ADD3: variants seen among roughly 807,000 people sequenced by gnomAD.
ADD3 encodes adducin 3.
In ADD3, 25 loss-of-function variants were observed where a neutral mutation model predicts 80.2. The observed-to-expected ratio is 0.31, with a 90% CI of 0.23 to 0.44. The LOEUF (loss-of-function observed/expected upper bound fraction) is 0.44, where lower values mean the gene tolerates loss of function less well. ADD3 is among the 20% of genes least tolerant of loss of function. The pLI, the probability that ADD3 is intolerant of heterozygous loss-of-function variation, is 1.00. For synonymous variants in ADD3, 284 were observed against 289.6 expected, an observed-to-expected ratio of 0.98 and a Z score of 0.20; for missense variants, 829 against 847.5, an observed-to-expected ratio of 0.98 and a Z score of 0.27.
intron 1 of ADD3, among the ~76,000 whole-genome samples, chr10:110,070,490 C>G (rs1432009120): frequency 6.6e-6 from 1 of 152,140 alleles, no homozygotes; most frequent in Non-Finnish European, 1.5e-5. Context: ...GTGATCAGTA[C>G]TGCTGTAGGT....
Position 110,133,923 on chromosome 10 carries a change from T to G in ADD3, c.*305T>G. 5.3e-6 allele frequency: 1 copy of G among 190,336 alleles called. No individual in the cohort carries two copies. The allele number at this position is 190,336 out of a possible 1,614,324, so 11.8% of individuals were successfully genotyped here. A position where few individuals can be genotyped will look rare whatever the true frequency, so the allele number is the denominator to read the frequency against. On this transcript the variant is annotated 3_prime_UTR_variant, in exon 15 of 15. Coordinates refer to ENST00000356080, the MANE Select transcript of ADD3 (RefSeq NM_016824.5). ...ATTACTTCAGGCCTTCTCCATAATA[T>G]CTGTTAGAAAGAAATTGCCAGTGAG...
At chr10:110,028,435 G>A (rs1394873292) in intron 1 of ADD3, among the ~76,000 whole-genome samples, 3 of 152,002 alleles carry the variant, frequency 2.0e-5, no homozygotes, top group Non-Finnish European at 4.4e-5. Flanking sequence ...GTGGTGGCGG[G>A]CGCCTGTAAT....
chr10:110,102,678 G>A (rs916234763), intron 2 of ADD3, among the ~76,000 whole-genome samples: 4 of 152,138 alleles, frequency 2.6e-5, no homozygotes, highest in Non-Finnish European at 5.9e-5. Flanking sequence ...AAAGAATGAA[G>A]TGAAGTTTCA....
At chr10:110,040,413 A>G (rs1247197316) in intron 1 of ADD3, among the ~76,000 whole-genome samples, 1 of 152,164 alleles carries the variant, frequency 6.6e-6, no homozygotes, top group African/African-American at 2.4e-5. Context: ...ACACAGCACA[A>G]ATTTAGTTTG....
intron 1 of ADD3, among the ~76,000 whole-genome samples, chr10:110,099,025 T>A (rs923222856): frequency 6.6e-6 from 1 of 150,880 alleles, no homozygotes; most frequent in African/African-American, 2.4e-5. Flanking sequence ...GCTCAAGGAA[T>A]CCTCCCACCT....
At chr10:110,108,617 T>A (rs1289753848) in intron 2 of ADD3, among the ~76,000 whole-genome samples, 1 of 152,154 alleles carries the variant, frequency 6.6e-6, no homozygotes, top group Non-Finnish European at 1.5e-5. Context: ...ATAAATTTAC[T>A]GATAAATTTA....
At chr10:110,063,654 T>G (rs1320282364) in intron 1 of ADD3, among the ~76,000 whole-genome samples, 4 of 147,468 alleles carry the variant, frequency 2.7e-5, no homozygotes, top group Non-Finnish European at 4.5e-5. Context: ...TCAGATAAAC[T>G]TTTAAATGCA....
rs775002695 is a variant in ADD3 at position 110,126,440 on chromosome 10, C to T, written c.1545C>T (p.Asp515=). 6.2e-7 allele frequency: 1 copy of T among 1,613,618 alleles called. No individual in the cohort carries two copies. ...AGATTCGGGAACAAAATCGATATGA[C>T]TTGAAAACAGCAGGACCACAATCTC... ...RNKIREQNRY[D]LKTAGPQSQL... Residue 515 remains aspartate (D), a synonymous_variant, in exon 12 of 15, where the codon GAC becomes GAT. Transcript: ENST00000356080.
intron 1 of ADD3, among the ~76,000 whole-genome samples, chr10:110,009,921 A>G: frequency 6.6e-6 from 1 of 152,238 alleles, no homozygotes; most frequent in East Asian, 1.9e-4. Flanking sequence ...TTTGGTGAAC[A>G]TTTGACATAG....
At chr10:110,028,433 G>A (rs932436433) in intron 1 of ADD3, among the ~76,000 whole-genome samples, 6 of 151,978 alleles carry the variant, frequency 3.9e-5, no homozygotes, top group African/African-American at 1.2e-4. Context: ...GCGTGGTGGC[G>A]GGCGCCTGTA....
At chr10:110,084,626 T>A (rs953177584) in intron 1 of ADD3, among the ~76,000 whole-genome samples, 1 of 152,216 alleles carries the variant, frequency 6.6e-6, no homozygotes, top group Non-Finnish European at 1.5e-5. Flanking sequence ...TTTCTCCATA[T>A]GAGAAATGAG....
chr10:110,039,631 C>G (rs1048870766), intron 1 of ADD3, among the ~76,000 whole-genome samples: 2 of 152,050 alleles, frequency 1.3e-5, no homozygotes, highest in Non-Finnish European at 2.9e-5. Context: ...AACAAATTAC[C>G]CCCAAACTAA....
At chr10:110,088,388 A>G (rs1847076769) in intron 1 of ADD3, among the ~76,000 whole-genome samples, 1 of 152,240 alleles carries the variant, frequency 6.6e-6, no homozygotes, top group Non-Finnish European at 1.5e-5. Context: ...ACTTAAAACC[A>G]TCAACCAATT....
chr10:110,000,161 C>T (rs991750810), intron 1 of ADD3, among the ~76,000 whole-genome samples: 4 of 152,178 alleles, frequency 2.6e-5, no homozygotes, highest in Admixed American at 2.6e-4. Context: ...CTCAGGTGAT[C>T]CGCCCACCTT....
Position 110,117,378 on chromosome 10 carries a change from AT to A in ADD3, c.525del (p.Arg177GlufsTer14). ...TAAGGAGCAAGACCACATTATAATA[AT>A]TCCCAGAGGCCTATCTTTTTCTGAA... ...ISKEQDHIII[I>X]PRGLSFSEAT... is the part of the protein sequence containing the mutation. On this transcript the variant is annotated frameshift_variant, in exon 5 of 15. Transcript: ENST00000356080. LOFTEE classifies it high-confidence loss of function. The A allele has an allele frequency of 6.2e-7, 1 of 1,607,540 alleles. No homozygotes were observed. Among genetic ancestry groups the A allele is most frequent in the South Asian group, 1.1e-5 (1 of 90,874 alleles).
chr10:110,011,407 G>A (rs4918475), intron 1 of ADD3, among the ~76,000 whole-genome samples: 96,997 of 152,092 alleles, frequency 0.64, 36,609 homozygotes, highest in Non-Finnish European at 0.83. Context: ...ATTAGGAGCT[G>A]TTTTAAGTAA....
At chr10:110,015,116 C>G (rs552250304) in intron 1 of ADD3, among the ~76,000 whole-genome samples, 1 of 152,262 alleles carries the variant, frequency 6.6e-6, no homozygotes, top group African/African-American at 2.4e-5. Context: ...AAGGTGAATT[C>G]TATCTGATTG....
chr10:110,131,438 C>T (rs550097553), intron 13 of ADD3, among the ~76,000 whole-genome samples: 51 of 152,254 alleles, frequency 3.3e-4, no homozygotes, highest in African/African-American at 1.2e-3. Flanking sequence ...CAGGAACAAG[C>T]CTGTCACCCA....
intron 1 of ADD3, among the ~76,000 whole-genome samples, chr10:110,081,747 G>T (rs912895481): frequency 6.6e-6 from 1 of 152,118 alleles, no homozygotes; most frequent in Non-Finnish European, 1.5e-5. Flanking sequence ...ATGAAACCAC[G>T]CTTGAAAATG....
Sources: gnomAD v4.1 joint callset for allele counts (sites outside exome capture counted in the v4.1 genomes callset) on GRCh38, gnomAD v4.1.1 for gene constraint, MANE v1.5 for transcripts, NCBI Gene and HGNC (gene_info 2026-07-23, HGNC 2026-07-21) for gene names.